The following NKAIN2 variants were observed in gnomAD, a reference collection of about 807,000 sequenced individuals.
NKAIN2 encodes the protein sodium/potassium-transporting ATPase subunit beta-1-interacting protein 2.
In NKAIN2, 14 loss-of-function variants were observed where a neutral mutation model predicts 32.6. That is an observed-to-expected ratio of 0.43 (90% CI 0.28 to 0.67). The LOEUF (loss-of-function observed/expected upper bound fraction) is 0.67. Among genes scored for constraint, NKAIN2 ranks in the 30% least tolerant of loss-of-function variants. The pLI, the probability that NKAIN2 is intolerant of heterozygous loss-of-function variation, is 0.17. For missense variants in NKAIN2, 198 were observed against 258.3 expected (o/e 0.77, Z 1.60); for synonymous variants, 80 against 87.2 (o/e 0.92, Z 0.46).
chr6:124,335,202 G>A (rs940051100), intron 2 of NKAIN2, among the ~76,000 whole-genome samples: 1 of 152,094 alleles, frequency 6.6e-6, no homozygotes, highest in Non-Finnish European at 1.5e-5. Flanking sequence ...TTGTATTGTA[G>A]CAATTTAAAA....
chr6:123,823,007 A>T (rs1323861496), intron 1 of NKAIN2, among the ~76,000 whole-genome samples: 1 of 151,444 alleles, frequency 6.6e-6, no homozygotes, highest in Non-Finnish European at 1.5e-5. Flanking sequence ...TCCTTATTAT[A>T]TGTTCAAAGC....
At chr6:123,952,328 C>T (rs1010791271) in intron 1 of NKAIN2, among the ~76,000 whole-genome samples, 1 of 152,094 alleles carries the variant, frequency 6.6e-6, no homozygotes, top group African/African-American at 2.4e-5. Context: ...TTAGGAATCT[C>T]TCTTTTTCTT....
intron 1 of NKAIN2, among the ~76,000 whole-genome samples, chr6:123,997,642 T>C (rs997930909): frequency 3.5e-5 from 5 of 141,034 alleles, no homozygotes; most frequent in East Asian, 2.2e-4. Flanking sequence ...CTCGCTCTGT[T>C]GCCCAGGCTG....
intron 4 of NKAIN2, among the ~76,000 whole-genome samples, chr6:124,683,148 A>ATT (rs1329846287): frequency 1.3e-5 from 2 of 152,218 alleles, no homozygotes; most frequent in African/African-American, 2.4e-5. Flanking sequence ...CACCGGTGCC[A>ATT]TTAACTGAAA....
chr6:124,733,252 A>G (rs1462278381), intron 4 of NKAIN2, among the ~76,000 whole-genome samples: 1 of 151,990 alleles, frequency 6.6e-6, no homozygotes, highest in South Asian at 2.1e-4. Context: ...ACATGAAATT[A>G]TGCATTTATA....
chr6:124,196,198 T>G (rs973856721), intron 1 of NKAIN2, among the ~76,000 whole-genome samples: 1 of 152,112 alleles, frequency 6.6e-6, no homozygotes, highest in African/African-American at 2.4e-5. Flanking sequence ...CAAAGCATTG[T>G]CTTGAAAAGT....
At position 124,472,688 on chromosome 6, in the gene NKAIN2, G is replaced by T. The variant is rs778682633; in HGVS notation, c.273+117341G>T. Among the ~76,000 whole-genome samples the T allele has an allele frequency of 2.8e-5, 4 of 144,310 alleles. No individual in the cohort carries two copies. In the South Asian group the frequency reaches 9.1e-4, roughly 33 times the overall value. The allele number at this position is 144,310 out of a possible 152,430, so 94.7% of individuals were successfully genotyped here. On this transcript the variant is annotated intron_variant, in intron 3 of 6. Transcript: ENST00000368417. Reference sequence around the variant, plus strand: ...AACATTTAACGTGTGATTATTGTGAGAAAGGAGAAGAAAGGAGAGAGTAGG... The same window carrying T: ...AACATTTAACGTGTGATTATTGTGATAAAGGAGAAGAAAGGAGAGAGTAGG...
At chr6:124,141,361 T>C (rs1282795109) in intron 1 of NKAIN2, among the ~76,000 whole-genome samples, 4 of 152,200 alleles carry the variant, frequency 2.6e-5, no homozygotes, top group Admixed American at 1.3e-4. Flanking sequence ...GTTATAAAAG[T>C]TTATTTTATT....
chr6:123,851,379 AG>A (rs1314871194), intron 1 of NKAIN2, among the ~76,000 whole-genome samples: 5 of 114,566 alleles, frequency 4.4e-5, no homozygotes, highest in African/African-American at 1.4e-4. Flanking sequence ...CCTCCTGAGT[AG>A]CTGGGATTAC....
intron 2 of NKAIN2, among the ~76,000 whole-genome samples, chr6:124,299,742 A>G (rs139568583): frequency 1.3e-5 from 2 of 152,128 alleles, no homozygotes; most frequent in African/African-American, 4.8e-5. Flanking sequence ...TCTATTCTGA[A>G]TAAGTACAAA....
intron 3 of NKAIN2, among the ~76,000 whole-genome samples, chr6:124,484,071 A>G (rs1777559219): frequency 6.6e-6 from 1 of 152,218 alleles, no homozygotes; most frequent in Non-Finnish European, 1.5e-5. Flanking sequence ...TACATGCCTG[A>G]GTGACATCTG....
At chr6:124,286,788 T>C (rs1478674416) in intron 2 of NKAIN2, among the ~76,000 whole-genome samples, 6 of 152,054 alleles carry the variant, frequency 3.9e-5, no homozygotes, top group African/African-American at 1.4e-4. Flanking sequence ...TTCAAGCAAT[T>C]CTCCTGCCTC....
At chr6:123,912,301 A>G (rs573210475) in intron 1 of NKAIN2, among the ~76,000 whole-genome samples, 1 of 152,110 alleles carries the variant, frequency 6.6e-6, no homozygotes, top group Non-Finnish European at 1.5e-5. Flanking sequence ...TATGTATTTT[A>G]TAATAAATAA....
At chr6:123,834,799 T>C (rs565635764) in intron 1 of NKAIN2, among the ~76,000 whole-genome samples, 33 of 151,222 alleles carry the variant, frequency 2.2e-4, no homozygotes, top group African/African-American at 8.0e-4. Context: ...TGTCAGATGC[T>C]TTTTTTTTGC....
chr6:124,760,293 CTG>C (rs1490939728), intron 4 of NKAIN2, among the ~76,000 whole-genome samples: 2 of 151,514 alleles, frequency 1.3e-5, no homozygotes, highest in Non-Finnish European at 2.9e-5. Context: ...AAAAAAGTAA[CTG>C]TTGAATACTA....
chr6:124,748,981 C>CA (rs1777586620), intron 4 of NKAIN2, among the ~76,000 whole-genome samples: 1 of 151,910 alleles, frequency 6.6e-6, no homozygotes, highest in African/African-American at 2.4e-5. Context: ...AAGTCTAACA[C>CA]AGTCTCACTG....
intron 2 of NKAIN2, among the ~76,000 whole-genome samples, chr6:124,354,520 G>A (rs2115141907): frequency 6.6e-6 from 1 of 152,184 alleles, no homozygotes; most frequent in Non-Finnish European, 1.5e-5. Flanking sequence ...GAAGGTGAAT[G>A]GAGAAATGAA....
intron 1 of NKAIN2, among the ~76,000 whole-genome samples, chr6:124,097,410 A>G (rs1021736578): frequency 6.6e-6 from 1 of 152,124 alleles, no homozygotes; most frequent in Non-Finnish European, 1.5e-5. Context: ...TTAAAAAAAA[A>G]AAAAAAAAAA....
At chr6:124,272,068 A>G (rs967489881) in intron 1 of NKAIN2, among the ~76,000 whole-genome samples, 1 of 152,216 alleles carries the variant, frequency 6.6e-6, no homozygotes, top group Non-Finnish European at 1.5e-5. Context: ...AGAGCATAAA[A>G]ATTCAAAAAT....
Sources: gnomAD v4.1 joint callset for allele counts (sites outside exome capture counted in the v4.1 genomes callset) on GRCh38, gnomAD v4.1.1 for gene constraint, MANE v1.5 for transcripts, NCBI Gene and HGNC (gene_info 2026-07-23, HGNC 2026-07-21) for gene names.